PALD1: variants seen among roughly 807,000 people sequenced by gnomAD.
The protein encoded by PALD1 is phosphatase domain containing paladin 1.
In PALD1, 57 loss-of-function variants were observed where a neutral mutation model predicts 96.0. The observed-to-expected ratio is 0.59, with a 90% CI of 0.48 to 0.74. PALD1 has a LOEUF of 0.74. Ranked by LOEUF, PALD1 falls within the 30% of genes least tolerant of loss-of-function variation. PALD1 has a pLI of 0.00. For synonymous variants in PALD1, 464 were observed against 473.6 expected, an observed-to-expected ratio of 0.98 and a Z score of 0.26; for missense variants, 1,063 against 1,143.7, an observed-to-expected ratio of 0.93 and a Z score of 1.02.
At chr10:70,511,151 C>A (rs147563413) in intron 1 of PALD1, among the ~76,000 whole-genome samples, 97 of 152,266 alleles carry the variant, frequency 6.4e-4, no homozygotes, top group African/African-American at 2.2e-3. Context: ...CACTGAGGGT[C>A]AAACCTAAAA....
At chr10:70,514,416 A>G (rs1027861208) in intron 1 of PALD1, among the ~76,000 whole-genome samples, 3 of 152,158 alleles carry the variant, frequency 2.0e-5, no homozygotes, top group Non-Finnish European at 4.4e-5. Context: ...TGAGAAACAC[A>G]TAATTTAGCA....
chr10:70,469,310 C>T, the PALD1 span, among the ~76,000 whole-genome samples: 3 of 152,146 alleles, frequency 2.0e-5, no homozygotes, highest in Non-Finnish European at 4.4e-5. Context: ...GAGGGCTGGG[C>T]GGAGCCTGGG....
intron 1 of PALD1, among the ~76,000 whole-genome samples, chr10:70,501,811 C>CTGTGTGTGTGTGTGTGTGTG (rs1428854043): frequency 8.5e-5 from 2 of 23,660 alleles, no homozygotes; most frequent in Non-Finnish European, 1.2e-4. Flanking sequence ...GACATTTTTA[C>CTGTGTGTGTGTGTGTGTGTG]TCTGTGTGTG....
chr10:70,567,911 G>A lies in PALD1; in HGVS notation c.*1178G>A, dbSNP rs1847884381. Reference sequence around the variant, plus strand: ...GACTGGTGCTTGCTGAAACCCAGGAGCTGAACAGTGAGGAGGCTGTCCACC... The same window carrying A: ...GACTGGTGCTTGCTGAAACCCAGGAACTGAACAGTGAGGAGGCTGTCCACC... On this transcript the variant is annotated 3_prime_UTR_variant, in exon 20 of 20. Transcript: ENST00000263563. The A allele has an allele frequency of 6.6e-6, 1 of 152,146 alleles. No individual in the cohort carries two copies. The highest frequency in any genetic ancestry group is 2.4e-5 in the African/African-American group (1 of 41,416). 9.4% of individuals were successfully genotyped at this position (152,146 alleles called of 1,614,324 possible).
At chr10:70,533,185 T>C (rs1215939617) in intron 7 of PALD1, 115 bp downstream of exon 7, 2 of 811,704 alleles carry the variant, frequency 2.5e-6, no homozygotes, top group Non-Finnish European at 4.1e-6. Flanking sequence ...TTCTGTGTTG[T>C]GTATGTGAGC....
intron 1 of PALD1, among the ~76,000 whole-genome samples, chr10:70,488,450 G>C (rs1846047136): frequency 6.6e-6 from 1 of 152,172 alleles, no homozygotes; most frequent in Admixed American, 6.5e-5. Context: ...TATTCAAGTA[G>C]TAGCTTCATA....
At chr10:70,468,497 G>A in the PALD1 span, among the ~76,000 whole-genome samples, 1 of 152,094 alleles carries the variant, frequency 6.6e-6, no homozygotes, top group South Asian at 2.1e-4. Context: ...ACCCGGCTCG[G>A]CCTCCCAAAG....
chr10:70,511,896 G>A (rs1480873301), intron 1 of PALD1, among the ~76,000 whole-genome samples: 6 of 152,068 alleles, frequency 3.9e-5, no homozygotes, highest in South Asian at 2.1e-4. Context: ...GTGTGGTGGC[G>A]GGTGCCTGTA....
At chr10:70,490,825 T>C (rs1846085559) in intron 1 of PALD1, among the ~76,000 whole-genome samples, 1 of 152,210 alleles carries the variant, frequency 6.6e-6, no homozygotes, top group Non-Finnish European at 1.5e-5. Context: ...AAGCCTAGAC[T>C]ACGTGTGAGC....
intron 18 of PALD1, among the ~76,000 whole-genome samples, chr10:70,552,920 A>G (rs941445656): frequency 5.3e-5 from 8 of 152,168 alleles, no homozygotes; most frequent in Non-Finnish European, 7.3e-5. Flanking sequence ...TTTGTGAGGT[A>G]AACTGGTTGT....
At chr10:70,508,090 G>A (rs1208911849) in intron 1 of PALD1, among the ~76,000 whole-genome samples, 2 of 152,126 alleles carry the variant, frequency 1.3e-5, no homozygotes, top group African/African-American at 4.8e-5. Context: ...TTGGGGGGCT[G>A]GTGTGTGGCC....
At chr10:70,486,859 T>A (rs2132262714) in intron 1 of PALD1, among the ~76,000 whole-genome samples, 1 of 152,288 alleles carries the variant, frequency 6.6e-6, no homozygotes, top group South Asian at 2.1e-4. Context: ...CTCCCTCCCT[T>A]CCTCCCGAGG....
chr10:70,507,714 A>G (rs1846418526), intron 1 of PALD1, among the ~76,000 whole-genome samples: 1 of 151,102 alleles, frequency 6.6e-6, no homozygotes, highest in Non-Finnish European at 1.5e-5. Context: ...ATACCACCAC[A>G]CTGGCTAATT....
the PALD1 span, among the ~76,000 whole-genome samples, chr10:70,459,599 A>G: frequency 6.6e-6 from 1 of 152,184 alleles, no homozygotes; most frequent in Non-Finnish European, 1.5e-5. Flanking sequence ...TGACCTTTGC[A>G]TGAGTCTTGG....
the PALD1 span, among the ~76,000 whole-genome samples, chr10:70,473,364 A>G: frequency 6.6e-6 from 1 of 152,204 alleles, no homozygotes; most frequent in Non-Finnish European, 1.5e-5. Flanking sequence ...TCAGGCACAT[A>G]GTGGGCACTT....
upstream of PALD1, among the ~76,000 whole-genome samples, chr10:70,474,389 T>A (rs746448257): frequency 7.2e-5 from 11 of 152,036 alleles, no homozygotes; most frequent in Non-Finnish European, 1.6e-4. Context: ...GGTTAAACCC[T>A]GTCTCTACTA....
chr10:70,508,854 T>TGTGTGTGTGTGTGTGTGTGC (rs1406004914), intron 1 of PALD1, among the ~76,000 whole-genome samples: 2 of 122,354 alleles, frequency 1.6e-5, no homozygotes, highest in Admixed American at 8.1e-5. Flanking sequence ...TGTGTGTGTG[T>TGTGTGTGTGTGTGTGTGTGC]GTGCAGGCCT....
intron 1 of PALD1, among the ~76,000 whole-genome samples, chr10:70,495,845 A>G (rs1429753963): frequency 6.7e-6 from 1 of 150,218 alleles, no homozygotes; most frequent in Non-Finnish European, 1.5e-5. Flanking sequence ...GTCTCTACAA[A>G]AAAAAAAAAA....
At position 70,538,907 on chromosome 10, in the gene PALD1, G is replaced by T; in HGVS notation, c.1468G>T (p.Val490Phe). Residue 490 changes from valine to phenylalanine, a missense_variant, in exon 13 of 20, where the codon GTC (valine) becomes TTC (phenylalanine). Physicochemically the swap from Val to Phe is conservative, Grantham distance 50 (BLOSUM62 -1). Transcript: ENST00000263563. ...ARGSLREDDL[V>F]SPDALSTVRE... is the part of the protein sequence containing the mutation. ...CTCCCCACAGCGGGAGGACGATCTG[G>T]TCTCCCCGGACGCGCTCAGCACTGT... 1 of 1,613,486 alleles carries T rather than the reference G, an allele frequency of 6.2e-7. No individual in the cohort carries two copies. The highest frequency in any genetic ancestry group is 8.5e-7 in the Non-Finnish European group (1 of 1,179,892).
Sources: allele counts gnomAD v4.1 joint callset (sites outside exome capture counted in the v4.1 genomes callset), GRCh38; gene constraint gnomAD v4.1.1; transcripts MANE v1.5; gene names NCBI Gene and HGNC (gene_info 2026-07-23, HGNC 2026-07-21).